SEC11A: variants seen among roughly 807,000 people sequenced by gnomAD.
SEC11A encodes SEC11 homolog A, signal peptidase complex subunit.
In SEC11A, 14 loss-of-function variants were observed where a neutral mutation model predicts 25.6. That is an observed-to-expected ratio of 0.55 (90% CI 0.36 to 0.85). The LOEUF is 0.85. Ranked by LOEUF, SEC11A falls within the 40% of genes least tolerant of loss-of-function variation. SEC11A has a pLI of 0.01. For synonymous variants in SEC11A, 83 were observed against 76.4 expected, an observed-to-expected ratio of 1.09 and a Z score of -0.45; for missense variants, 153 against 222.9, an observed-to-expected ratio of 0.69 and a Z score of 2.00.
intron 3 of SEC11A, among the ~76,000 whole-genome samples, chr15:84,682,160 T>C (rs1487176485): frequency 6.6e-6 from 1 of 152,070 alleles, no homozygotes; most frequent in Non-Finnish European, 1.5e-5. Context: ...GATAGATACA[T>C]GGGGGTTCCT....
intron 5 of SEC11A, 25 bp from the exon 6 acceptor site, chr15:84,670,094 A>C: frequency 6.2e-7 from 1 of 1,608,874 alleles, no homozygotes; most frequent in South Asian, 1.1e-5. Context: ...CAGAACCACA[A>C]GTCAGAGAAG....
chr15:84,680,041 T>C (rs936879197), intron 4 of SEC11A: 18 of 984,686 alleles, frequency 1.8e-5, no homozygotes, highest in Non-Finnish European at 2.7e-5. Context: ...AGAAATATTA[T>C]GGATTAAATT....
intron 1 of SEC11A, among the ~76,000 whole-genome samples, chr15:84,694,983 G>A (rs145619601): frequency 0.012 from 1,779 of 150,772 alleles, 18 homozygotes; most frequent in African/African-American, 0.021. Context: ...CCAGCTACTC[G>A]GGAGGCTGAG....
chr15:84,704,920 C>CTTT (rs11407566), intron 1 of SEC11A, among the ~76,000 whole-genome samples: 2 of 147,342 alleles, frequency 1.4e-5, no homozygotes, highest in Non-Finnish European at 1.5e-5. Flanking sequence ...CTTCTGGAGT[C>CTTT]TTTTTTTTTT....
chr15:84,707,104 G>A (rs950189979), intron 1 of SEC11A, among the ~76,000 whole-genome samples: 3 of 151,230 alleles, frequency 2.0e-5, no homozygotes, highest in Non-Finnish European at 2.9e-5. Context: ...CAGAAGAGCT[G>A]CTTAGTGACA....
chr15:84,686,555 G>A (rs1156792899), intron 3 of SEC11A: 1 of 152,268 alleles, frequency 6.6e-6, no homozygotes, highest in Non-Finnish European at 1.5e-5. Context: ...AGGTTGCAGT[G>A]AGCCGAGATA....
At chr15:84,671,097 G>A (rs1896972765) in intron 4 of SEC11A, 1 of 189,066 alleles carries the variant, frequency 5.3e-6, no homozygotes, top group East Asian at 1.3e-4. Flanking sequence ...TACAGTGCTA[G>A]GGGCTAGGTT....
At chr15:84,709,204 T>G (rs1898188765) in intron 1 of SEC11A, among the ~76,000 whole-genome samples, 1 of 152,104 alleles carries the variant, frequency 6.6e-6, no homozygotes, top group Non-Finnish European at 1.5e-5. Context: ...ATCTTTTTTT[T>G]TTGTTTTAAG....
intron 4 of SEC11A, chr15:84,679,971 T>C (rs2141878098): frequency 6.6e-7 from 1 of 1,525,086 alleles, no homozygotes; most frequent in East Asian, 2.5e-5. Context: ...TGATAAAATC[T>C]GAAACAAACA....
At chr15:84,710,873 A>G (rs1218269164) in intron 1 of SEC11A, among the ~76,000 whole-genome samples, 1 of 152,054 alleles carries the variant, frequency 6.6e-6, no homozygotes, top group Admixed American at 6.6e-5. Context: ...GGAGATCAAG[A>G]CCATCCTGGC....
chr15:84,687,595 A>C (rs747474773), intron 3 of SEC11A, 30 bp downstream of exon 3: 8 of 1,512,186 alleles, frequency 5.3e-6, no homozygotes, highest in Non-Finnish European at 5.3e-6. Flanking sequence ...AAAAGCACTT[A>C]GAAACAAAGA....
At position 84,679,918 on chromosome 15, in the gene SEC11A, T is replaced by C; in HGVS notation, c.431+795A>G. The C allele has an allele frequency of 2.0e-6, 3 of 1,518,832 alleles. No individual in the cohort carries two copies. The East Asian group carries it at 7.4e-5, about 37-fold the overall frequency. 94.1% of individuals were successfully genotyped at this position (1,518,832 alleles called of 1,614,324 possible). On this transcript the variant is annotated intron_variant, in intron 4 of 5. Transcript: ENST00000268220. ...GAGCAACAATGCCATACTTCCTTAATACCAACAACTTACAATTCCTGTCCT... is the reference window on the plus strand; with the variant it reads ...GAGCAACAATGCCATACTTCCTTAACACCAACAACTTACAATTCCTGTCCT...
At chr15:84,701,724 A>G (rs890890670) in intron 1 of SEC11A, among the ~76,000 whole-genome samples, 1 of 152,214 alleles carries the variant, frequency 6.6e-6, no homozygotes. Context: ...ATTAATCAAA[A>G]GAAAATTGAA....
chr15:84,673,249 G>C (rs938048720), intron 4 of SEC11A: 2 of 205,496 alleles, frequency 9.7e-6, no homozygotes, highest in African/African-American at 4.8e-5. Flanking sequence ...CGGTCTGGGA[G>C]GAGTACCCAA....
rs752314978 is a variant in SEC11A at position 84,687,704 on chromosome 15, G to T, written c.232C>A (p.Arg78=). 1 of 1,601,964 alleles carries T rather than the reference G, an allele frequency of 6.2e-7. No individual in the cohort carries two copies. Among genetic ancestry groups the T allele is most frequent in the Non-Finnish European group, 8.5e-7 (1 of 1,176,748 alleles). The change falls in exon 3 of 6, where the codon CGA becomes AGA. Residue 78 remains arginine (R), a synonymous_variant. Transcript: ENST00000268220. ...FLTNRVEDPI[R]VGEIVVFRIE... ...CTAAAAACAACAATTTCTCCCACTC[G>T]TATGGGATCTTCAACTCGATTTGTT...
chr15:84,703,634 G>A (rs1033410593), intron 1 of SEC11A, among the ~76,000 whole-genome samples: 3 of 152,170 alleles, frequency 2.0e-5, no homozygotes, highest in East Asian at 1.9e-4. Flanking sequence ...AGCTTCAAGC[G>A]ATACAGCAGT....
At chr15:84,706,096 G>A (rs1345885583) in intron 1 of SEC11A, among the ~76,000 whole-genome samples, 1 of 151,728 alleles carries the variant, frequency 6.6e-6, no homozygotes, top group Non-Finnish European at 1.5e-5. Flanking sequence ...TAGTGGAGAC[G>A]GGGTTTCACC....
intron 1 of SEC11A, among the ~76,000 whole-genome samples, chr15:84,699,603 A>G (rs1373878171): frequency 6.6e-6 from 1 of 152,120 alleles, no homozygotes; most frequent in Non-Finnish European, 1.5e-5. Flanking sequence ...GACAGAGCCT[A>G]GCAGTCTCCC....
chr15:84,697,795 A>T (rs1474100706), intron 1 of SEC11A, among the ~76,000 whole-genome samples: 3 of 152,218 alleles, frequency 2.0e-5, no homozygotes, highest in Non-Finnish European at 4.4e-5. Flanking sequence ...ACCTAACCTC[A>T]TATCTGACCA....
Sources: allele counts gnomAD v4.1 joint callset (sites outside exome capture counted in the v4.1 genomes callset), GRCh38; gene constraint gnomAD v4.1.1; transcripts MANE v1.5; gene names NCBI Gene and HGNC (gene_info 2026-07-23, HGNC 2026-07-21).